MOSMO: variants seen among roughly 807,000 people sequenced by gnomAD.
MOSMO encodes modulator of smoothened protein.
Under a neutral mutation model 18.4 loss-of-function variants are expected in MOSMO, and 5 were observed. That is an observed-to-expected ratio of 0.27 (90% CI 0.14 to 0.57). The LOEUF is 0.57. Ranked by LOEUF, MOSMO falls within the 20% of genes least tolerant of loss-of-function variation. The pLI is 0.92. For synonymous variants in MOSMO, 82 were observed against 82.3 expected (o/e 1.00, Z 0.02); for missense variants, 138 against 211.8 (o/e 0.65, Z 2.16).
In MOSMO at chr16:22,083,787, A is replaced by G. The variant is rs1474275481; in HGVS notation, c.*2907A>G. 1.2e-5 allele frequency: 5 copies of G among 419,434 alleles called. No individual in the cohort carries two copies. Among genetic ancestry groups the G allele is most frequent in the African/African-American group, 8.4e-5 (4 of 47,834 alleles). 26.0% of individuals were successfully genotyped at this position (419,434 alleles called of 1,614,324 possible). ...TAGTTTGACATTTTTGGAAGCTCCT[A>G]TTGAACATACCCAAACATCTGTAAA... is the stretch of plus-strand genomic sequence containing the variant. On this transcript the variant is annotated 3_prime_UTR_variant, in exon 3 of 3. Coordinates refer to ENST00000542527, the MANE Select transcript of MOSMO (RefSeq NM_001164579.2).
downstream of MOSMO, among the ~76,000 whole-genome samples, chr16:22,088,879 G>A (rs373067811): frequency 2.0e-5 from 3 of 151,906 alleles, no homozygotes; most frequent in Non-Finnish European, 4.4e-5. Flanking sequence ...AACTTGTCCC[G>A]CTTGCATGAT....
At chr16:22,031,769 TGGG>T (rs1313489884) in intron 1 of MOSMO, among the ~76,000 whole-genome samples, 1 of 152,246 alleles carries the variant, frequency 6.6e-6, no homozygotes, top group African/African-American at 2.4e-5. Context: ...AGTAGACATT[TGGG>T]TCCTTTCTAC....
Position 22,039,578 on chromosome 16 carries a change from T to C in MOSMO, c.106+31171T>C, listed in dbSNP as rs559389400. Among the ~76,000 whole-genome samples, 15 of 152,294 alleles carry C rather than the reference T, an allele frequency of 9.8e-5. No homozygotes were observed. The South Asian group carries it at 2.9e-3, about 29-fold the overall frequency. ...GGCTGGGCATGGTGGCTCATACATG[T>C]CCTAGCACTTTGGGGGGCCAAGGTG... On this transcript the variant is annotated intron_variant, in intron 1 of 2. Transcript: ENST00000542527.
chr16:22,090,779 G>A (rs549594937), downstream of MOSMO, among the ~76,000 whole-genome samples: 3 of 152,242 alleles, frequency 2.0e-5, no homozygotes, highest in South Asian at 2.1e-4. Flanking sequence ...TCTGCATCCC[G>A]AAGGGAGCCA....
intron 1 of MOSMO, among the ~76,000 whole-genome samples, chr16:22,071,290 A>C (rs551884772): frequency 3.8e-4 from 58 of 152,322 alleles, no homozygotes; most frequent in African/African-American, 1.3e-3. Flanking sequence ...ATGGAAGAAG[A>C]TAATAGCTAA....
downstream of MOSMO, among the ~76,000 whole-genome samples, chr16:22,089,811 T>C (rs1281734327): frequency 2.0e-5 from 3 of 152,058 alleles, no homozygotes; most frequent in Admixed American, 2.0e-4. Context: ...CACTTTCTCT[T>C]AGATATTGCC....
intron 1 of MOSMO, among the ~76,000 whole-genome samples, chr16:22,058,180 C>A (rs548291846): frequency 1.5e-4 from 23 of 152,250 alleles, no homozygotes; most frequent in African/African-American, 5.5e-4. Flanking sequence ...ATAATCCCAG[C>A]ACTTTGGGAG....
downstream of MOSMO, among the ~76,000 whole-genome samples, chr16:22,090,739 C>A (rs1006552067): frequency 6.6e-6 from 1 of 152,180 alleles, no homozygotes; most frequent in Non-Finnish European, 1.5e-5. Flanking sequence ...GTCTGTTGTG[C>A]TCTGATGCTT....
Position 22,015,301 on chromosome 16 carries a change from A to G in MOSMO, c.106+6894A>G, listed in dbSNP as rs544341693. 2.0e-5 allele frequency among the ~76,000 whole-genome samples: 3 copies of G among 152,126 alleles called. No homozygotes were observed. In the South Asian group the frequency reaches 6.2e-4, roughly 32 times the overall value. On this transcript the variant is annotated intron_variant, in intron 1 of 2. Transcript: ENST00000542527. ...GCTCTTGCTGTGTTTCCCAGGCTCAAACTCCTGGGATCAAGCAATCCTCCA... is the reference window on the plus strand; with the variant it reads ...GCTCTTGCTGTGTTTCCCAGGCTCAGACTCCTGGGATCAAGCAATCCTCCA...
intron 1 of MOSMO, among the ~76,000 whole-genome samples, chr16:22,055,026 C>A (rs1900504860): frequency 1.3e-5 from 2 of 151,280 alleles, no homozygotes; most frequent in Non-Finnish European, 2.9e-5. Flanking sequence ...GTAAGCGTAA[C>A]CTGTATTTAG....
downstream of MOSMO, among the ~76,000 whole-genome samples, chr16:22,091,127 G>C (rs1901308315): frequency 1.3e-5 from 2 of 151,910 alleles, no homozygotes; most frequent in Admixed American, 1.3e-4. Flanking sequence ...CTTGTTCACC[G>C]AGTAGCCATT....
intron 1 of MOSMO, among the ~76,000 whole-genome samples, chr16:22,044,339 T>C (rs1598010333): frequency 6.6e-6 from 1 of 152,328 alleles, no homozygotes. Context: ...ACATTAATAA[T>C]AACTAATTTA....
intron 1 of MOSMO, among the ~76,000 whole-genome samples, chr16:22,056,467 G>A (rs1187310430): frequency 1.4e-5 from 2 of 144,406 alleles, no homozygotes; most frequent in Admixed American, 7.2e-5. Flanking sequence ...CGCCTCCCAG[G>A]TCAAGCAATT....
chr16:22,016,434 T>C (rs1358326903), intron 1 of MOSMO, among the ~76,000 whole-genome samples: 1 of 152,184 alleles, frequency 6.6e-6, no homozygotes, highest in Non-Finnish European at 1.5e-5. Context: ...CCTGCCTTGT[T>C]CCAGAAAGAG....
At chr16:22,090,363 T>G (rs1901277481), downstream of MOSMO, 1 of 152,248 alleles carries the variant, frequency 6.6e-6, no homozygotes, top group African/African-American at 2.4e-5. Context: ...TTCTTTTTTT[T>G]CCTTAAACCA....
intron 1 of MOSMO, among the ~76,000 whole-genome samples, chr16:22,056,742 A>G (rs886125059): frequency 3.9e-5 from 6 of 152,002 alleles, no homozygotes; most frequent in Non-Finnish European, 8.8e-5. Flanking sequence ...TGATTTCTCT[A>G]TGTTTACATT....
At chr16:22,020,565 G>T (rs1449779112) in intron 1 of MOSMO, among the ~76,000 whole-genome samples, 1 of 152,068 alleles carries the variant, frequency 6.6e-6, no homozygotes, top group African/African-American at 2.4e-5. Flanking sequence ...AAAGTGCTGG[G>T]ATTACAGGCG....
At chr16:22,090,535 G>A (rs1471653677), downstream of MOSMO, among the ~76,000 whole-genome samples, 1 of 152,070 alleles carries the variant, frequency 6.6e-6, no homozygotes, top group South Asian at 2.1e-4. Context: ...GTTACTTCAG[G>A]CTACTGCTTC....
At chr16:22,085,334 G>C (rs755357373), downstream of MOSMO, 1 of 152,164 alleles carries the variant, frequency 6.6e-6, no homozygotes, top group Non-Finnish European at 1.5e-5. Flanking sequence ...GGTGAGACTT[G>C]AAGTACTATG....
Sources: gnomAD v4.1 joint callset for allele counts (sites outside exome capture counted in the v4.1 genomes callset) on GRCh38, gnomAD v4.1.1 for gene constraint, MANE v1.5 for transcripts, NCBI Gene and HGNC (gene_info 2026-07-23, HGNC 2026-07-21) for gene names.